Variants in PAICS observed in about 807,000 individuals in gnomAD.
PAICS encodes the protein phosphoribosylaminoimidazole carboxylase and phosphoribosylaminoimidazolesuccinocarboxamide synthase.
In PAICS, 33 loss-of-function variants were observed where a neutral mutation model predicts 53.7. That is an observed-to-expected ratio of 0.61 (90% CI 0.47 to 0.82). PAICS has a LOEUF of 0.82. PAICS is among the 40% of genes least tolerant of loss of function. The pLI is 0.00. For synonymous variants in PAICS, 141 were observed against 167.2 expected (o/e 0.84, Z 1.21); for missense variants, 394 against 494.1 (o/e 0.80, Z 1.92).
At chr4:56,419,924 A>T in the PAICS span, 1 of 984,322 alleles carries the variant, frequency 1.0e-6, no homozygotes, top group African/African-American at 1.7e-5. Flanking sequence ...AGAGTATGAA[A>T]TTTTTTACTG....
intron 2 of PAICS, among the ~76,000 whole-genome samples, chr4:56,445,931 C>T (rs986474550): frequency 6.6e-6 from 1 of 152,052 alleles, no homozygotes; most frequent in African/African-American, 2.4e-5. Context: ...GTTAAGTGGG[C>T]GGCTCCTAGA....
In PAICS at chr4:56,459,626, T is replaced by A; in HGVS notation, c.*88T>A. 1 of 965,034 alleles carries A rather than the reference T, an allele frequency of 1.0e-6. No homozygotes were observed. Among genetic ancestry groups the A allele is most frequent in the South Asian group, 1.8e-5 (1 of 54,814 alleles). The allele number at this position is 965,034 out of a possible 1,614,324, so 59.8% of individuals were successfully genotyped here. ...ATCAAGCAAGATGAAAAGGTAATTT[T>A]AAATTAGAGAACACAAATAAAATGT... On this transcript the variant is annotated 3_prime_UTR_variant, in exon 9 of 9. Transcript: ENST00000512576.
chr4:56,419,717 A>G, the PAICS span: 1 of 981,236 alleles, frequency 1.0e-6, no homozygotes, highest in Non-Finnish European at 1.2e-6. Context: ...TCAGGGCTCT[A>G]ATAGACATCT....
At chr4:56,442,628 C>T (rs1373048577) in intron 2 of PAICS, among the ~76,000 whole-genome samples, 1 of 152,182 alleles carries the variant, frequency 6.6e-6, no homozygotes, top group Non-Finnish European at 1.5e-5. Context: ...ATTCAACCTA[C>T]GAAACCTTAC....
intron 5 of PAICS, among the ~76,000 whole-genome samples, chr4:56,449,458 G>A (rs545755204): frequency 6.6e-6 from 1 of 152,286 alleles, no homozygotes; most frequent in South Asian, 2.1e-4. Flanking sequence ...AGACAGTGTG[G>A]TGATTCCTCA....
chr4:56,410,614 A>C, the PAICS span: 3 of 986,264 alleles, frequency 3.0e-6, no homozygotes, highest in Middle Eastern at 2.8e-4. Context: ...TTTATGGAAC[A>C]CTAAGAAATA....
chr4:56,448,339 G>A (rs538955366), intron 3 of PAICS, 79 bp from the exon 4 acceptor site: 6 of 1,021,158 alleles, frequency 5.9e-6, no homozygotes, highest in Non-Finnish European at 4.2e-6. Flanking sequence ...CATGCTCAAG[G>A]TGAAAAGGAT....
Position 56,450,708 on chromosome 4 carries a change from CCTT to C in PAICS, c.771+9_771+11del, listed in dbSNP as rs1202322844. ...GGGTTGCAGAGAGAGTAGAGGTAAA[CCTT>C]CTATAGTAAAACTGTATGTATTATG... is the stretch of plus-strand genomic sequence containing the variant. On this transcript the variant is annotated splice_region_variant and intron_variant, in intron 6 of 8. Transcript: ENST00000512576. 3.7e-6 allele frequency: 5 copies of C among 1,357,966 alleles called. No homozygotes were observed. In the African/African-American group the frequency reaches 5.8e-5, roughly 16 times the overall value. 84.1% of individuals were successfully genotyped at this position (1,357,966 alleles called of 1,614,324 possible).
At chr4:56,435,605 C>A, upstream of PAICS, 2 of 1,522,998 alleles carry the variant, frequency 1.3e-6, no homozygotes, top group Non-Finnish European at 1.8e-6. Context: ...CCGAGGGTGG[C>A]CCCAGCTACT....
At chr4:56,448,659 G>C in intron 4 of PAICS, 51 bp from the exon 5 acceptor site, 1 of 1,514,330 alleles carries the variant, frequency 6.6e-7, no homozygotes, top group Non-Finnish European at 9.1e-7. Context: ...ATAGTTGAGA[G>C]ATGCTTTCAT....
At chr4:56,427,152 G>A in the PAICS span, among the ~76,000 whole-genome samples, 1 of 152,094 alleles carries the variant, frequency 6.6e-6, no homozygotes, top group Non-Finnish European at 1.5e-5. Context: ...GGTTGTTTCT[G>A]CCTTTCGGCT....
Position 56,463,850 on chromosome 4 carries a change from C to T in PAICS, c.*4312C>T, listed in dbSNP as rs1051782931. On this transcript the variant is annotated 3_prime_UTR_variant, in exon 9 of 9. Transcript: ENST00000512576. ...GCTGGTCAAACAACATTTCTAGGTA[C>T]ATCTGTGATGGTGTTTCTGGAAGAG... The T allele has an allele frequency of 3.3e-5, 5 of 152,180 alleles. No homozygotes were observed. The highest frequency in any genetic ancestry group is 5.9e-5 in the Non-Finnish European group (4 of 68,046). The allele number at this position is 152,180 out of a possible 1,614,324, so 9.4% of individuals were successfully genotyped here. A position where few individuals can be genotyped will look rare whatever the true frequency, so the allele number is the denominator to read the frequency against.
At chr4:56,452,656 C>G (rs112435810) in intron 7 of PAICS, among the ~76,000 whole-genome samples, 4,187 of 152,282 alleles carry the variant, frequency 0.027, 78 homozygotes, top group Middle Eastern at 0.068. Flanking sequence ...CTAATATACT[C>G]CAATAGAAAA....
chr4:56,426,375 C>A, the PAICS span, among the ~76,000 whole-genome samples: 2 of 151,846 alleles, frequency 1.3e-5, no homozygotes, highest in Non-Finnish European at 2.9e-5. Context: ...GCACTCCAGC[C>A]TGGGCGACTG....
chr4:56,419,545 T>C, the PAICS span: 1 of 387,268 alleles, frequency 2.6e-6, no homozygotes, highest in Non-Finnish European at 3.5e-6. Context: ...TTTAATAATG[T>C]TGCATCCAAT....
At position 56,451,860 on chromosome 4, in the gene PAICS, T is replaced by G; in HGVS notation, c.772-12T>G. The G allele has an allele frequency of 1.3e-6, 2 of 1,525,636 alleles. No homozygotes were observed. Among genetic ancestry groups the G allele is most frequent in the Non-Finnish European group, 1.8e-6 (2 of 1,135,484 alleles). 94.5% of individuals were successfully genotyped at this position (1,525,636 alleles called of 1,614,324 possible). ...TTTATGTTCTTTTCATATCCACGTATTTTTTCTTCAGTTGCTTTTGAAATC... is the reference window on the plus strand; with the variant it reads ...TTTATGTTCTTTTCATATCCACGTAGTTTTTCTTCAGTTGCTTTTGAAATC... On this transcript the variant is annotated splice_polypyrimidine_tract_variant and intron_variant, in intron 6 of 8. Transcript: ENST00000512576.
the PAICS span, among the ~76,000 whole-genome samples, chr4:56,413,050 T>G: frequency 1.3e-5 from 2 of 152,150 alleles, no homozygotes; most frequent in African/African-American, 4.8e-5. Context: ...ATTAATACCT[T>G]TTGTCCATTT....
At chr4:56,447,313 A>G (rs1718673746) in intron 3 of PAICS, among the ~76,000 whole-genome samples, 1 of 152,108 alleles carries the variant, frequency 6.6e-6, no homozygotes, top group South Asian at 2.1e-4. Context: ...TTAAGCATAG[A>G]TCTGCTTGGG....
intron 1 of PAICS, among the ~76,000 whole-genome samples, chr4:56,439,305 C>T (rs1000422030): frequency 9.2e-5 from 14 of 152,188 alleles, no homozygotes; most frequent in African/African-American, 3.1e-4. Flanking sequence ...GGCGCCATCT[C>T]AGCTCACTGC....
Sources: gnomAD v4.1 joint callset for allele counts (sites outside exome capture counted in the v4.1 genomes callset) on GRCh38, gnomAD v4.1.1 for gene constraint, MANE v1.5 for transcripts, NCBI Gene and HGNC (gene_info 2026-07-23, HGNC 2026-07-21) for gene names.